The following BCR variants were observed in gnomAD, a reference collection of about 807,000 sequenced individuals.
BCR encodes BCR activator of RhoGEF and GTPase, also known as breakpoint cluster region protein.
A neutral mutation model predicts 138.6 loss-of-function variants in BCR; 58 were observed. The ratio of observed to expected loss-of-function variants is 0.42; its 90% CI spans 0.34 to 0.52. BCR has a LOEUF of 0.52. Ranked by LOEUF, BCR falls within the 20% of genes least tolerant of loss-of-function variation. The probability of loss-of-function intolerance (pLI) is 0.06; values close to 1 mark genes in which losing one functional copy is unlikely to be tolerated. For missense variants in BCR, 1,599 were observed against 1,727.2 expected (o/e 0.93, Z 1.32); for synonymous variants, 786 against 730.1 (o/e 1.08, Z -1.23).
chr22:23,263,264 G>T (rs1602078524), intron 4 of BCR: 1 of 1,092,698 alleles, frequency 9.2e-7, no homozygotes, highest in Non-Finnish European at 1.3e-6. Flanking sequence ...ACCTCGACAT[G>T]CGGGCCCTCG....
chr22:23,198,093 C>T (rs1284968838), intron 1 of BCR, among the ~76,000 whole-genome samples: 3 of 151,908 alleles, frequency 2.0e-5, no homozygotes, highest in Non-Finnish European at 4.4e-5. Flanking sequence ...GTTTATGTTG[C>T]GGAAAGGCTA....
chr22:23,308,848 G>T (rs1301569074), intron 16 of BCR, among the ~76,000 whole-genome samples: 1 of 152,286 alleles, frequency 6.6e-6, no homozygotes, highest in Admixed American at 6.5e-5. Flanking sequence ...GGTGGGGGTA[G>T]AAGTTAGAGG....
intron 1 of BCR, among the ~76,000 whole-genome samples, chr22:23,235,466 G>A (rs1214907136): frequency 6.9e-6 from 1 of 144,688 alleles, no homozygotes; most frequent in Admixed American, 7.0e-5. Context: ...GCGTTTAAGT[G>A]CCTCCCTGAT....
chr22:23,283,709 C>A, intron 8 of BCR: 1 of 412,576 alleles, frequency 2.4e-6, no homozygotes, highest in Non-Finnish European at 4.3e-6. Flanking sequence ...CCCATCCTCC[C>A]ACCCTCTTCC....
chr22:23,242,045 A>G (rs2073099319), intron 1 of BCR, among the ~76,000 whole-genome samples: 1 of 152,136 alleles, frequency 6.6e-6, no homozygotes, highest in Admixed American at 6.5e-5. Context: ...GGATCTAGAA[A>G]CCAAACTGAC....
At chr22:23,193,019 G>T (rs2072434412) in intron 1 of BCR, among the ~76,000 whole-genome samples, 1 of 152,196 alleles carries the variant, frequency 6.6e-6, no homozygotes, top group Admixed American at 6.5e-5. Flanking sequence ...GAGAGAGAGA[G>T]CCAGGCAGAG....
intron 1 of BCR, among the ~76,000 whole-genome samples, chr22:23,185,261 A>G (rs1191118042): frequency 6.6e-6 from 1 of 152,158 alleles, no homozygotes; most frequent in African/African-American, 2.4e-5. Context: ...ACTACCCCAC[A>G]CTGCTACCTG....
At chr22:23,201,214 C>G (rs2072550029) in intron 1 of BCR, among the ~76,000 whole-genome samples, 1 of 152,362 alleles carries the variant, frequency 6.6e-6, no homozygotes, top group Admixed American at 6.5e-5. Flanking sequence ...GCAGAGCTGG[C>G]TCCTCTGCTT....
At chr22:23,227,429 G>A (rs1000032349) in intron 1 of BCR, among the ~76,000 whole-genome samples, 3 of 152,216 alleles carry the variant, frequency 2.0e-5, no homozygotes, top group Non-Finnish European at 4.4e-5. Flanking sequence ...AGGTAATGGG[G>A]GAATTAGCTG....
At chr22:23,300,565 TC>T (rs1380109285) in intron 16 of BCR, among the ~76,000 whole-genome samples, 2 of 152,022 alleles carry the variant, frequency 1.3e-5, no homozygotes, top group African/African-American at 4.8e-5. Flanking sequence ...GCCAGGCACA[TC>T]CATGGGCTCT....
chr22:23,202,573 T>A (rs537384484), intron 1 of BCR, among the ~76,000 whole-genome samples: 2 of 152,206 alleles, frequency 1.3e-5, no homozygotes, highest in Non-Finnish European at 2.9e-5. Flanking sequence ...TCTCTAGGAA[T>A]CTGACGACTC....
At chr22:23,259,819 A>AC (rs1481979270) in intron 2 of BCR, among the ~76,000 whole-genome samples, 2 of 151,626 alleles carry the variant, frequency 1.3e-5, no homozygotes, top group Non-Finnish European at 2.9e-5. Flanking sequence ...TTGAGCCTGG[A>AC]CCCCCCAAAA....
At chr22:23,192,604 C>G (rs1413828199) in intron 1 of BCR, among the ~76,000 whole-genome samples, 1 of 152,206 alleles carries the variant, frequency 6.6e-6, no homozygotes, top group Non-Finnish European at 1.5e-5. Flanking sequence ...TTGCAAATCT[C>G]CAAGATAGGG....
intron 1 of BCR, among the ~76,000 whole-genome samples, chr22:23,227,273 A>G (rs2072905676): frequency 6.6e-6 from 1 of 152,174 alleles, no homozygotes; most frequent in South Asian, 2.1e-4. Context: ...ACACTTTGTT[A>G]TTGTGTTCCG....
chr22:23,315,635 T>A lies in BCR; in HGVS notation c.*113T>A. On this transcript the variant is annotated 3_prime_UTR_variant, in exon 23 of 23. Transcript: ENST00000305877. ...GTGTCCTTGGGCCACCCCCAAGTGT[T>A]GGGCCATCTGCCAAGAGACAGCGAC... is the stretch of plus-strand genomic sequence containing the variant. 4 of 998,764 alleles carry A rather than the reference T, an allele frequency of 4.0e-6. No homozygotes were observed. The highest frequency in any genetic ancestry group is 4.7e-6 in the Non-Finnish European group (3 of 642,888). 61.9% of individuals were successfully genotyped at this position (998,764 alleles called of 1,614,324 possible).
At chr22:23,284,207 C>A in intron 9 of BCR, 109 bp downstream of exon 9, 2 of 1,457,308 alleles carry the variant, frequency 1.4e-6, no homozygotes, top group Non-Finnish European at 9.2e-7. Context: ...CGTTACATTC[C>A]GTTTCTACTT....
intron 1 of BCR, among the ~76,000 whole-genome samples, chr22:23,216,858 C>T (rs2072759467): frequency 6.6e-6 from 1 of 152,248 alleles, no homozygotes; most frequent in Non-Finnish European, 1.5e-5. Flanking sequence ...CTCATGGAGG[C>T]TAGGTTCCAA....
At chr22:23,193,859 C>T (rs2072445161) in intron 1 of BCR, among the ~76,000 whole-genome samples, 1 of 152,176 alleles carries the variant, frequency 6.6e-6, no homozygotes, top group Non-Finnish European at 1.5e-5. Flanking sequence ...TCAGGTCACC[C>T]GCAGGGGTCA....
At chr22:23,256,909 T>G (rs560798349) in intron 2 of BCR, among the ~76,000 whole-genome samples, 1 of 152,294 alleles carries the variant, frequency 6.6e-6, no homozygotes, top group East Asian at 1.9e-4. Flanking sequence ...GTTTTGTGTT[T>G]GTACCCACCT....
Sources: gnomAD v4.1 joint callset for allele counts (sites outside exome capture counted in the v4.1 genomes callset) on GRCh38, gnomAD v4.1.1 for gene constraint, MANE v1.5 for transcripts, NCBI Gene and HGNC (gene_info 2026-07-23, HGNC 2026-07-21) for gene names.